TIAM2: variants seen among roughly 807,000 people sequenced by gnomAD.
The protein encoded by TIAM2 is rho guanine nucleotide exchange factor TIAM2.
TIAM2 carries 80 observed loss-of-function variants against 152.9 expected under a neutral mutation model. The observed-to-expected ratio is 0.52, with a 90% confidence interval of 0.44 to 0.63. The LOEUF (loss-of-function observed/expected upper bound fraction) is 0.63. TIAM2 is among the 30% of genes least tolerant of loss of function. The pLI is 0.00. For missense variants in TIAM2, 1,965 were observed against 2,120.1 expected, an observed-to-expected ratio of 0.93 and a Z score of 1.44; for synonymous variants, 804 against 838.0, an observed-to-expected ratio of 0.96 and a Z score of 0.70.
At chr6:155,059,207 T>C (rs1236275243) in intron 1 of TIAM2, among the ~76,000 whole-genome samples, 1 of 152,194 alleles carries the variant, frequency 6.6e-6, no homozygotes, top group Non-Finnish European at 1.5e-5. Flanking sequence ...TGACCATTTC[T>C]TGTTTCTTCT....
intron 1 of TIAM2, among the ~76,000 whole-genome samples, chr6:155,000,803 G>T (rs1426297124): frequency 2.0e-5 from 3 of 152,154 alleles, no homozygotes; most frequent in Non-Finnish European, 4.4e-5. Flanking sequence ...GGCCAACATG[G>T]TGAAACCCTG....
At chr6:155,086,366 A>G (rs1391298377) in intron 1 of TIAM2, among the ~76,000 whole-genome samples, 1 of 152,162 alleles carries the variant, frequency 6.6e-6, no homozygotes. Flanking sequence ...AATGTGCTCT[A>G]AGCTTAAATA....
intron 1 of TIAM2, among the ~76,000 whole-genome samples, chr6:155,089,492 C>A (rs1348205225): frequency 6.6e-6 from 1 of 152,190 alleles, no homozygotes; most frequent in Non-Finnish European, 1.5e-5. Context: ...TAGACATGAG[C>A]CACCGTGCCT....
chr6:155,079,988 T>C (rs2114965189), intron 1 of TIAM2, among the ~76,000 whole-genome samples: 1 of 152,144 alleles, frequency 6.6e-6, no homozygotes, highest in Non-Finnish European at 1.5e-5. Context: ...AAGTTTCTTA[T>C]GTGGATTTGC....
intron 1 of TIAM2, among the ~76,000 whole-genome samples, chr6:155,050,670 G>T (rs561302297): frequency 1.3e-5 from 2 of 152,142 alleles, no homozygotes; most frequent in Non-Finnish European, 2.9e-5. Context: ...GTGGTCAGCC[G>T]CATTGGCCAG....
intron 1 of TIAM2, among the ~76,000 whole-genome samples, chr6:155,008,030 G>T (rs1194137624): frequency 6.6e-6 from 1 of 152,140 alleles, no homozygotes; most frequent in East Asian, 1.9e-4. Context: ...ACCAACAAGT[G>T]GGTTGTTCCG....
chr6:155,118,005 C>T lies in TIAM2; in HGVS notation c.-117-9485C>T, dbSNP rs1231493068. Among the ~76,000 whole-genome samples, 3 of 152,232 alleles carry T rather than the reference C, an allele frequency of 2.0e-5. No homozygotes were observed. The East Asian group carries it at 5.8e-4, about 29-fold the overall frequency. Reference sequence around the variant, plus strand: ...ACATTTTCTTCCTGGGCCAACACTGCCTCCCACACTGACGCTGAGCTGTTG... The same window carrying T: ...ACATTTTCTTCCTGGGCCAACACTGTCTCCCACACTGACGCTGAGCTGTTG... On this transcript the variant is annotated intron_variant, in intron 2 of 26. Transcript: ENST00000682666.
intron 5 of TIAM2, among the ~76,000 whole-genome samples, chr6:155,140,811 G>C (rs1779683648): frequency 1.3e-5 from 2 of 152,116 alleles, no homozygotes; most frequent in South Asian, 4.1e-4. Flanking sequence ...ACTAATAGAT[G>C]GGAGACAGGC....
At chr6:155,009,802 G>C (rs764695006) in intron 1 of TIAM2, among the ~76,000 whole-genome samples, 66 of 152,128 alleles carry the variant, frequency 4.3e-4, no homozygotes, top group Non-Finnish European at 7.4e-4. Context: ...GTGGAAGAGA[G>C]GATTTCTAAG....
chr6:155,151,800 T>G (rs1399604161), intron 7 of TIAM2, among the ~76,000 whole-genome samples: 1 of 151,712 alleles, frequency 6.6e-6, no homozygotes, highest in African/African-American at 2.4e-5. Flanking sequence ...TATAACAGGG[T>G]ACATAATTTT....
intron 1 of TIAM2, among the ~76,000 whole-genome samples, chr6:155,008,288 A>C (rs1475180222): frequency 6.6e-6 from 1 of 152,246 alleles, no homozygotes; most frequent in Non-Finnish European, 1.5e-5. Context: ...CATGACACTG[A>C]GATGTGGCTT....
chr6:155,084,750 G>T (rs1778142468), intron 1 of TIAM2, among the ~76,000 whole-genome samples: 1 of 152,178 alleles, frequency 6.6e-6, no homozygotes, highest in South Asian at 2.1e-4. Flanking sequence ...TCATCCCTTT[G>T]TCATGAATGG....
At chr6:155,190,062 T>C (rs906911165) in intron 14 of TIAM2, among the ~76,000 whole-genome samples, 2 of 152,186 alleles carry the variant, frequency 1.3e-5, no homozygotes, top group African/African-American at 2.4e-5. Flanking sequence ...TTCCAGGAAT[T>C]TATAACGTAT....
At chr6:155,118,411 TTTTTTCTTTTTCTTTTTC>T (rs145140786) in intron 2 of TIAM2, among the ~76,000 whole-genome samples, 2 of 134,986 alleles carry the variant, frequency 1.5e-5, no homozygotes, top group Non-Finnish European at 3.1e-5. Context: ...TTTATTTTTC[TTTTTTCTTTTTCTTTTTC>T]TTTTTCTTTT....
At position 155,124,506 on chromosome 6, in the gene TIAM2, T is replaced by G. The variant is rs190648036; in HGVS notation, c.-117-2984T>G. On this transcript the variant is annotated intron_variant, in intron 2 of 26. Coordinates refer to ENST00000682666, the MANE Select transcript of TIAM2 (RefSeq NM_012454.4). Reference sequence around the variant, plus strand: ...CCACCATGCCTGGCTAATTTTATAGTTTTAGTAGAGACGGGGTTTCTCCAT... The same window carrying G: ...CCACCATGCCTGGCTAATTTTATAGGTTTAGTAGAGACGGGGTTTCTCCAT... Among the ~76,000 whole-genome samples, 1,133 of 152,184 alleles carry G rather than the reference T, an allele frequency of 7.4e-3. 24 individuals carry two copies. Among genetic ancestry groups the G allele is most frequent in the African/African-American group, 0.026 (1,070 of 41,508 alleles).
chr6:155,045,055 T>TC (rs1188646773), intron 1 of TIAM2, among the ~76,000 whole-genome samples: 6 of 144,594 alleles, frequency 4.1e-5, no homozygotes, highest in Admixed American at 2.8e-4. Flanking sequence ...TTTTTCTTTT[T>TC]TTTTTTTTTT....
chr6:155,061,826 TA>T (rs943057177), intron 1 of TIAM2, among the ~76,000 whole-genome samples: 2 of 152,174 alleles, frequency 1.3e-5, no homozygotes, highest in African/African-American at 4.8e-5. Context: ...ATTGATTTTT[TA>T]AAAAAATTTG....
At chr6:155,222,996 C>G (rs573201007) in intron 15 of TIAM2, among the ~76,000 whole-genome samples, 1 of 152,056 alleles carries the variant, frequency 6.6e-6, no homozygotes, top group Non-Finnish European at 1.5e-5. Flanking sequence ...TGGTTAGATA[C>G]CGTATTTCCA....
At chr6:155,178,165 T>C (rs1212307750) in intron 10 of TIAM2, among the ~76,000 whole-genome samples, 2 of 83,286 alleles carry the variant, frequency 2.4e-5, no homozygotes, top group Non-Finnish European at 5.0e-5. Context: ...CGTCTCAAAT[T>C]AAAAAAAAAA....
Sources: gnomAD v4.1 joint callset for allele counts (sites outside exome capture counted in the v4.1 genomes callset) on GRCh38, gnomAD v4.1.1 for gene constraint, MANE v1.5 for transcripts, NCBI Gene and HGNC (gene_info 2026-07-23, HGNC 2026-07-21) for gene names.